Variants in AHCTF1 observed in about 807,000 individuals in gnomAD.
AHCTF1 encodes the protein protein ELYS.
AHCTF1 carries 24 observed loss-of-function variants against 248.4 expected under a neutral mutation model. The observed-to-expected ratio is 0.10, with a 90% CI of 0.07 to 0.14. The LOEUF is 0.14. Ranked by LOEUF, AHCTF1 falls within the 10% of genes least tolerant of loss-of-function variation. The probability of loss-of-function intolerance (pLI) is 1.00; values close to 1 mark genes in which losing one functional copy is unlikely to be tolerated. For synonymous variants in AHCTF1, 786 were observed against 929.8 expected, an observed-to-expected ratio of 0.85 and a Z score of 2.81; for missense variants, 2,206 against 2,636.2, an observed-to-expected ratio of 0.84 and a Z score of 3.57.
intron 35 of AHCTF1, among the ~76,000 whole-genome samples, chr1:246,842,148 C>T (rs1659917120): frequency 6.6e-6 from 1 of 151,996 alleles, no homozygotes; most frequent in South Asian, 2.1e-4. Context: ...ATAAAGAAAT[C>T]CACCTTCAGC....
At chr1:246,885,468 TTA>T in intron 21 of AHCTF1, 23 bp downstream of exon 21, 1 of 1,557,832 alleles carries the variant, frequency 6.4e-7, no homozygotes, top group East Asian at 2.3e-5. Flanking sequence ...GATAAAGACT[TTA>T]TAGTTTCAAA....
chr1:246,903,665 C>A (rs1018074712), intron 7 of AHCTF1, among the ~76,000 whole-genome samples: 8 of 139,204 alleles, frequency 5.7e-5, no homozygotes, highest in African/African-American at 1.9e-4. Context: ...CCCCCCCCTC[C>A]GTCTCTGCTA....
In AHCTF1 at chr1:246,920,987, G is replaced by C. The variant is rs755301955; in HGVS notation, c.-7-2610C>G. Among the ~76,000 whole-genome samples, 188 of 151,688 alleles carry C rather than the reference G, an allele frequency of 1.2e-3. 1 individual carries two copies. The highest frequency in any genetic ancestry group is 3.4e-3 in the Middle Eastern group (1 of 294). On this transcript the variant is annotated intron_variant, in intron 1 of 35. Coordinates refer to ENST00000648844, the MANE Select transcript of AHCTF1 (RefSeq NM_001323342.2). ...CATGCCTGTAATCTCAGCTACTCAG[G>C]AGGCTGAGGCAGGAGAATCGCTTGA...
At position 246,851,400 on chromosome 1, in the gene AHCTF1, C is replaced by T; in HGVS notation, c.4606G>A (p.Glu1536Lys). ...EKLEAQDSGE[E>K]ARNLSFNELY... is the part of the protein sequence containing the mutation. ...TCATTAAATGAAAGATTCCTAGCCT[C>T]TTCTCCTGAATCTTGAGCTTCAAGC... is the stretch of plus-strand genomic sequence containing the variant. Residue 1536 changes from glutamate (E) to lysine (K), a missense_variant, in exon 33 of 36, where the codon GAG (glutamate) becomes AAG (lysine). This residue lies in a region of AHCTF1 where 955 missense variants were observed against 1,055.6 expected (regional missense o/e 0.90). Transcript: ENST00000648844. 1 of 1,612,742 alleles carries T rather than the reference C, an allele frequency of 6.2e-7. No homozygotes were observed. The highest frequency in any genetic ancestry group is 8.5e-7 in the Non-Finnish European group (1 of 1,179,232).
intron 6 of AHCTF1, among the ~76,000 whole-genome samples, chr1:246,904,579 C>A (rs1691240): frequency 0.61 from 92,102 of 151,994 alleles, 30,145 homozygotes; most frequent in African/African-American, 0.87. Context: ...GGAAGGAGAA[C>A]GGGCAGTTGG....
At chr1:246,913,557 TA>T (rs2103215799) in intron 3 of AHCTF1, 145 bp from the exon 4 acceptor site, 1 of 718,528 alleles carries the variant, frequency 1.4e-6, no homozygotes, top group East Asian at 2.9e-5. Context: ...GTGATCTGAA[TA>T]ATGAAATCTT....
In AHCTF1 at chr1:246,850,081, A is replaced by G; in HGVS notation, c.5925T>C (p.Gly1975=). 6.2e-7 allele frequency: 1 copy of G among 1,613,904 alleles called. No individual in the cohort carries two copies. The highest frequency in any genetic ancestry group is 1.3e-5 in the African/African-American group (1 of 75,038). ...CAGATGGATTGATTTTTCTTGGTCT[A>G]CCACGTTTTCTAGGTATGGCAGACA... The part of the protein sequence containing the change: ...FDMSAIPRKR[G]RPRKINPSED... The change falls in exon 33 of 36, where the codon GGT becomes GGC. Residue 1975 remains glycine, a synonymous_variant. Coordinates refer to ENST00000648844, the MANE Select transcript of AHCTF1 (RefSeq NM_001323342.2).
At chr1:246,903,874 TAAAAC>T (rs1665194848) in intron 7 of AHCTF1, 70 bp downstream of exon 7, 2 of 1,151,328 alleles carry the variant, frequency 1.7e-6, no homozygotes, top group Non-Finnish European at 2.5e-6. Flanking sequence ...TTCAATATCT[TAAAAC>T]AAAGACAACA....
At chr1:246,896,401 A>G (rs752773695) in intron 12 of AHCTF1, among the ~76,000 whole-genome samples, 3 of 152,252 alleles carry the variant, frequency 2.0e-5, no homozygotes, top group Non-Finnish European at 4.4e-5. Context: ...AAGTACTGAT[A>G]CTTGCTATAA....
intron 33 of AHCTF1, among the ~76,000 whole-genome samples, chr1:246,846,900 G>A (rs955522791): frequency 8.6e-5 from 13 of 151,780 alleles, no homozygotes; most frequent in African/African-American, 3.1e-4. Context: ...TACAGGTGCA[G>A]CCACCACATG....
intron 1 of AHCTF1, among the ~76,000 whole-genome samples, chr1:246,929,438 G>A (rs1160691520): frequency 9.0e-6 from 1 of 110,508 alleles, no homozygotes; most frequent in Admixed American, 8.9e-5. Context: ...TAAAAATACA[G>A]TGAAAACATT....
chr1:246,855,439 A>G (rs1661045821), intron 31 of AHCTF1, among the ~76,000 whole-genome samples: 1 of 152,238 alleles, frequency 6.6e-6, no homozygotes, highest in African/African-American at 2.4e-5. Flanking sequence ...CAAACACGAA[A>G]TAACTCTTCT....
intron 7 of AHCTF1, 69 bp downstream of exon 7, chr1:246,903,880 A>T: frequency 8.2e-7 from 1 of 1,218,018 alleles, no homozygotes; most frequent in Non-Finnish European, 1.2e-6. Flanking sequence ...ATCTTAAAAC[A>T]AAGACAACAT....
Position 246,873,577 on chromosome 1 carries a change from T to TAG in AHCTF1, c.3088+2458_3088+2459dup, listed in dbSNP as rs1287547725. Among the ~76,000 whole-genome samples the TAG allele has an allele frequency of 2.0e-5, 3 of 152,210 alleles. No individual in the cohort carries two copies. In the East Asian group the frequency reaches 5.8e-4, roughly 29 times the overall value. Reference sequence around the variant, plus strand: ...AATAAATATACTAGAGACAATACACTAGTCAATTTCTCCTGCATCATAGCA... The same window carrying TAG: ...AATAAATATACTAGAGACAATACACTAGAGTCAATTTCTCCTGCATCATAGCA... On this transcript the variant is annotated intron_variant, in intron 24 of 35. Coordinates refer to ENST00000648844, the MANE Select transcript of AHCTF1 (RefSeq NM_001323342.2).
At chr1:246,887,861 T>C (rs1164492128) in intron 19 of AHCTF1, among the ~76,000 whole-genome samples, 5 of 152,226 alleles carry the variant, frequency 3.3e-5, no homozygotes, top group African/African-American at 1.2e-4. Context: ...GTTAATGCCA[T>C]TGATAGTGAC....
intron 14 of AHCTF1, among the ~76,000 whole-genome samples, chr1:246,894,439 T>C (rs1234402462): frequency 2.0e-5 from 3 of 151,958 alleles, no homozygotes; most frequent in Non-Finnish European, 2.9e-5. Flanking sequence ...CCGAGCGTAG[T>C]GGCGGGCAGG....
At chr1:246,924,389 T>C (rs1022569422) in intron 1 of AHCTF1, among the ~76,000 whole-genome samples, 8 of 152,316 alleles carry the variant, frequency 5.3e-5, no homozygotes, top group Admixed American at 1.3e-4. Flanking sequence ...TTAGTGCCGT[T>C]TATTTTTGTG....
chr1:246,875,693 T>C (rs1347694916), intron 24 of AHCTF1, among the ~76,000 whole-genome samples: 1 of 152,214 alleles, frequency 6.6e-6, no homozygotes, highest in Admixed American at 6.5e-5. Flanking sequence ...GATCCTTTAT[T>C]AGCAAAAGGA....
In AHCTF1 at chr1:246,839,890, A is replaced by C. The variant is rs552004315; in HGVS notation, c.*916T>G. ...TTTCTACATCTACTCACTCTCTCCCAACCTCAATAATCTGTGCCTGAGGTC... is the reference window on the plus strand; with the variant it reads ...TTTCTACATCTACTCACTCTCTCCCCACCTCAATAATCTGTGCCTGAGGTC... On this transcript the variant is annotated 3_prime_UTR_variant, in exon 36 of 36. Coordinates refer to ENST00000648844, the MANE Select transcript of AHCTF1 (RefSeq NM_001323342.2). The C allele has an allele frequency of 6.5e-6, 1 of 152,712 alleles. No homozygotes were observed. The highest frequency in any genetic ancestry group is 1.9e-4 in the East Asian group (1 of 5,186). The allele number at this position is 152,712 out of a possible 1,614,324, so 9.5% of individuals were successfully genotyped here. A position where few individuals can be genotyped will look rare whatever the true frequency, so the allele number is the denominator to read the frequency against.
Sources: allele counts gnomAD v4.1 joint callset (sites outside exome capture counted in the v4.1 genomes callset), GRCh38; gene constraint gnomAD v4.1.1; regional missense constraint gnomAD v4.1.1; transcripts MANE v1.5; gene names NCBI Gene and HGNC (gene_info 2026-07-23, HGNC 2026-07-21).